ZC3H12C: variants seen among roughly 807,000 people sequenced by gnomAD.
ZC3H12C encodes probable ribonuclease ZC3H12C.
Under a neutral mutation model 76.3 loss-of-function variants are expected in ZC3H12C, and 20 were observed. The ratio of observed to expected loss-of-function variants is 0.26; its 90% CI spans 0.18 to 0.38. The LOEUF is 0.38. ZC3H12C is among the 10% of genes least tolerant of loss of function. The probability of loss-of-function intolerance (pLI) is 1.00; values close to 1 mark genes in which losing one functional copy is unlikely to be tolerated. For missense variants in ZC3H12C, 874 were observed against 1,086.5 expected (o/e 0.80, Z 2.75); for synonymous variants, 352 against 399.6 (o/e 0.88, Z 1.42).
In ZC3H12C at chr11:110,152,903, C is replaced by T. The variant is rs665013; in HGVS notation, c.774-16C>T. The stretch of plus-strand genomic sequence containing the variant: ...AGGTTTTGTTGTGTTTTAAGTGTTC[C>T]GTAATAATCTTTCAGCCATGGAAAC... On this transcript the variant is annotated splice_polypyrimidine_tract_variant and intron_variant, in intron 2 of 5. Transcript: ENST00000278590. The T allele has an allele frequency of 0.74, 1,189,316 of 1,605,770 alleles. 443,104 individuals carry two copies. The highest frequency in any genetic ancestry group is 0.79 in the South Asian group (70,926 of 89,658).
intron 1 of ZC3H12C, among the ~76,000 whole-genome samples, chr11:110,122,739 T>G (rs1318733748): frequency 6.6e-6 from 1 of 152,202 alleles, no homozygotes; most frequent in Non-Finnish European, 1.5e-5. Context: ...AAGTGTAACT[T>G]AATGTTAGTG....
chr11:110,107,933 G>T (rs184032180), intron 1 of ZC3H12C, among the ~76,000 whole-genome samples: 82 of 152,192 alleles, frequency 5.4e-4, no homozygotes, highest in African/African-American at 1.9e-3. Flanking sequence ...AAAGTGCTGG[G>T]ATTACAGGTG....
chr11:110,152,635 C>A (rs1017449635), intron 2 of ZC3H12C, among the ~76,000 whole-genome samples: 9 of 152,078 alleles, frequency 5.9e-5, no homozygotes, highest in Admixed American at 2.6e-4. Flanking sequence ...TCAAAAACAG[C>A]TTGTGTCTTT....
intron 2 of ZC3H12C, among the ~76,000 whole-genome samples, chr11:110,147,260 G>A (rs762055400): frequency 5.9e-5 from 9 of 152,132 alleles, no homozygotes; most frequent in Non-Finnish European, 8.8e-5. Flanking sequence ...CATCAGCTGG[G>A]GAAAAGGTCA....
intron 1 of ZC3H12C, among the ~76,000 whole-genome samples, chr11:110,094,961 AT>A (rs1220733570): frequency 6.6e-6 from 1 of 152,254 alleles, no homozygotes; most frequent in Non-Finnish European, 1.5e-5. Context: ...GTACTTAAAC[AT>A]TATAACCAAA....
Position 110,171,319 on chromosome 11 carries a change from T to C in ZC3H12C, c.*5582T>C, listed in dbSNP as rs1415938553. 2 of 152,238 alleles carry C rather than the reference T, an allele frequency of 1.3e-5. No homozygotes were observed. Among genetic ancestry groups the C allele is most frequent in the Non-Finnish European group, 2.9e-5 (2 of 68,038 alleles). 9.4% of individuals were successfully genotyped at this position (152,238 alleles called of 1,614,324 possible). A position where few individuals can be genotyped will look rare whatever the true frequency, so the allele number is the denominator to read the frequency against. Reference sequence around the variant, plus strand: ...GAGACAAAGCATTTCACTGCACGTGTACCAGGTTATTGATTTTATCTTTTC... The same window carrying C: ...GAGACAAAGCATTTCACTGCACGTGCACCAGGTTATTGATTTTATCTTTTC... On this transcript the variant is annotated 3_prime_UTR_variant, in exon 6 of 6. Transcript: ENST00000278590.
In ZC3H12C at chr11:110,165,165, G is replaced by A; in HGVS notation, c.2080G>A (p.Glu694Lys). 1 of 1,613,846 alleles carries A rather than the reference G, an allele frequency of 6.2e-7. No homozygotes were observed. The highest frequency in any genetic ancestry group is 1.1e-5 in the South Asian group (1 of 91,076). ...LTRGQSYSHE[E>K]PKFHHKPPLP... ...CAGAGGGCAAAGTTACAGTCACGAA[G>A]AACCAAAGTTCCATCACAAGCCTCC... is the stretch of plus-strand genomic sequence containing the variant. Residue 694 changes from glutamate to lysine, a missense_variant, in exon 6 of 6, where the codon GAA (glutamate) becomes AAA (lysine). This residue lies in a region of ZC3H12C where 395 missense variants were observed against 434.4 expected (regional missense o/e 0.91). Coordinates refer to ENST00000278590, the MANE Select transcript of ZC3H12C (RefSeq NM_033390.2).
chr11:110,159,583 C>T (rs887084959), intron 4 of ZC3H12C, 93 bp downstream of exon 4: 18 of 1,063,788 alleles, frequency 1.7e-5, no homozygotes, highest in Non-Finnish European at 2.1e-5. Context: ...TTGCCACTGT[C>T]CAGACTTCAC....
chr11:110,154,487 A>G (rs1862337417), intron 3 of ZC3H12C, among the ~76,000 whole-genome samples: 1 of 152,208 alleles, frequency 6.6e-6, no homozygotes, highest in South Asian at 2.1e-4. Context: ...TAGCCTATGT[A>G]TAAATGTAAA....
intron 4 of ZC3H12C, among the ~76,000 whole-genome samples, chr11:110,161,976 CA>C (rs948636176): frequency 6.6e-6 from 1 of 151,594 alleles, no homozygotes; most frequent in Non-Finnish European, 1.5e-5. Flanking sequence ...ACTAAAAATC[CA>C]AAAAAAATTA....
chr11:110,167,258 T>G lies in ZC3H12C; in HGVS notation c.*1521T>G, dbSNP rs1314837909. ...GCCCTGAAAAACCAGAAAGTACCTT[T>G]TACTGTTGATACAAATTGTATCTTT... On this transcript the variant is annotated 3_prime_UTR_variant, in exon 6 of 6. Coordinates refer to ENST00000278590, the MANE Select transcript of ZC3H12C (RefSeq NM_033390.2). 6.6e-6 allele frequency: 1 copy of G among 152,232 alleles called. No homozygotes were observed. Among genetic ancestry groups the G allele is most frequent in the African/African-American group, 2.4e-5 (1 of 41,464 alleles). 9.4% of individuals were successfully genotyped at this position (152,232 alleles called of 1,614,324 possible). A position where few individuals can be genotyped will look rare whatever the true frequency, so the allele number is the denominator to read the frequency against.
chr11:110,132,967 C>A (rs534062632), intron 1 of ZC3H12C, among the ~76,000 whole-genome samples: 1 of 152,114 alleles, frequency 6.6e-6, no homozygotes, highest in Non-Finnish European at 1.5e-5. Context: ...AAGAACTGAA[C>A]GAAAATAAAG....
In ZC3H12C at chr11:110,171,324, G is replaced by C. The variant is rs549276001; in HGVS notation, c.*5587G>C. ...AAAGCATTTCACTGCACGTGTACCA[G>C]GTTATTGATTTTATCTTTTCCTTTC... On this transcript the variant is annotated 3_prime_UTR_variant, in exon 6 of 6. Coordinates refer to ENST00000278590, the MANE Select transcript of ZC3H12C (RefSeq NM_033390.2). The C allele has an allele frequency of 1.3e-5, 2 of 152,272 alleles. No individual in the cohort carries two copies. Among genetic ancestry groups the C allele is most frequent in the East Asian group, 3.9e-4 (2 of 5,186 alleles). The allele number at this position is 152,272 out of a possible 1,614,324, so 9.4% of individuals were successfully genotyped here.
intron 1 of ZC3H12C, among the ~76,000 whole-genome samples, chr11:110,093,834 G>A (rs949625477): frequency 6.6e-6 from 1 of 152,010 alleles, no homozygotes; most frequent in African/African-American, 2.4e-5. Flanking sequence ...CAGCGGCTCA[G>A]ACTCGCGCGC....
chr11:110,109,282 T>A (rs1861386948), intron 1 of ZC3H12C, among the ~76,000 whole-genome samples: 1 of 152,212 alleles, frequency 6.6e-6, no homozygotes, highest in Non-Finnish European at 1.5e-5. Flanking sequence ...AGGAATGGAA[T>A]CAAGTATATA....
intron 5 of ZC3H12C, 96 bp downstream of exon 5, chr11:110,163,475 C>T (rs2134201257): frequency 1.1e-6 from 1 of 914,894 alleles, no homozygotes; most frequent in Non-Finnish European, 1.6e-6. Flanking sequence ...TTTTGGATGG[C>T]ATAATATGCA....
In ZC3H12C at chr11:110,165,589, A is replaced by C. The variant is rs949142672; in HGVS notation, c.2504A>C (p.Gln835Pro). The part of the protein sequence containing the change: ...CGMPQDPPRY[Q>P]DNREKIYINL... ...ATGCCGCAAGATCCCCCGAGGTATCAAGACAACCGAGAAAAGATTTATATC... is the reference window on the plus strand; with the variant it reads ...ATGCCGCAAGATCCCCCGAGGTATCCAGACAACCGAGAAAAGATTTATATC... Residue 835 changes from glutamine (Q) to proline (P), a missense_variant, in exon 6 of 6, where the codon CAA becomes CCA. Around this residue, in one of 3 missense-constraint regions of ZC3H12C, gnomAD observed 395 missense variants for 434.4 expected, o/e 0.91. Coordinates refer to ENST00000278590, the MANE Select transcript of ZC3H12C (RefSeq NM_033390.2). 3.1e-6 allele frequency: 5 copies of C among 1,609,380 alleles called. No individual in the cohort carries two copies. The highest frequency in any genetic ancestry group is 1.6e-4 in the Middle Eastern group (1 of 6,080).
Position 110,103,820 on chromosome 11 carries a change from G to A in ZC3H12C, c.21+10388G>A, listed in dbSNP as rs571836777. Among the ~76,000 whole-genome samples the A allele has an allele frequency of 5.3e-5, 8 of 152,158 alleles. No individual in the cohort carries two copies. In the East Asian group the frequency reaches 1.2e-3, roughly 22 times the overall value. ...GGGTTTCACCGTGTTAGCCAGCATG[G>A]TCTCCATCTCCTGACCTCGTGATCC... is the stretch of plus-strand genomic sequence containing the variant. On this transcript the variant is annotated intron_variant, in intron 1 of 5. Coordinates refer to ENST00000278590, the MANE Select transcript of ZC3H12C (RefSeq NM_033390.2).
rs1165915716 is a variant in ZC3H12C, at chr11:110,159,447, T to C, written c.1105T>C (p.Phe369Leu). Residue 369 changes from phenylalanine (F) to leucine (L), a missense_variant, in exon 4 of 6, where the codon TTC (phenylalanine) becomes CTC (leucine). Around this residue, in one of 3 missense-constraint regions of ZC3H12C, gnomAD observed 269 missense variants for 424.9 expected, o/e 0.63. Transcript: ENST00000278590. ...LANEKPEWKK[F>L]IDERLLMYSF... The stretch of plus-strand genomic sequence containing the variant: ...TAATGAGAAGCCAGAATGGAAGAAG[T>C]TCATAGATGAACGATTATTAATGTA... 1 of 1,613,206 alleles carries C rather than the reference T, an allele frequency of 6.2e-7. No homozygotes were observed. Among genetic ancestry groups the C allele is most frequent in the African/African-American group, 1.3e-5 (1 of 74,876 alleles).
Sources: allele counts gnomAD v4.1 joint callset (sites outside exome capture counted in the v4.1 genomes callset), GRCh38; gene constraint gnomAD v4.1.1; regional missense constraint gnomAD v4.1.1; transcripts MANE v1.5; gene names NCBI Gene and HGNC (gene_info 2026-07-23, HGNC 2026-07-21).